The following LTBP1 variants were observed in gnomAD, a reference collection of about 807,000 sequenced individuals.
LTBP1 encodes the protein latent transforming growth factor beta binding protein 1.
Under a neutral mutation model 207.6 loss-of-function variants are expected in LTBP1, and 129 were observed. The ratio of observed to expected loss-of-function variants is 0.62; its 90% CI spans 0.54 to 0.72. The LOEUF (loss-of-function observed/expected upper bound fraction) is 0.72, where lower values mean the gene tolerates loss of function less well. Among genes scored for constraint, LTBP1 ranks in the 30% least tolerant of loss-of-function variants. The pLI, the probability that LTBP1 is intolerant of heterozygous loss-of-function variation, is 0.00. For synonymous variants in LTBP1, 963 were observed against 833.7 expected, an observed-to-expected ratio of 1.16 and a Z score of -2.67; for missense variants, 2,281 against 2,217.2, an observed-to-expected ratio of 1.03 and a Z score of -0.58.
intron 5 of LTBP1, among the ~76,000 whole-genome samples, chr2:33,183,120 T>C (rs976621998): frequency 6.6e-6 from 1 of 152,226 alleles, no homozygotes. Flanking sequence ...GTACAAAACG[T>C]TGGAAGCTGA....
chr2:33,247,457 G>A (rs2092548855), intron 10 of LTBP1, among the ~76,000 whole-genome samples: 1 of 152,130 alleles, frequency 6.6e-6, no homozygotes, highest in Non-Finnish European at 1.5e-5. Context: ...TAGCCCATGG[G>A]AAAAAATCTG....
chr2:33,283,702 C>T (rs2093609978), intron 19 of LTBP1, among the ~76,000 whole-genome samples: 1 of 152,146 alleles, frequency 6.6e-6, no homozygotes, highest in Non-Finnish European at 1.5e-5. Flanking sequence ...TCCCAAAGTG[C>T]TGGGATTACA....
chr2:33,285,972 C>T (rs1460609765), intron 19 of LTBP1: 3 of 152,054 alleles, frequency 2.0e-5, no homozygotes, highest in Admixed American at 6.5e-5. Flanking sequence ...ATTAGTGATT[C>T]CTAACAAATG....
intron 18 of LTBP1, among the ~76,000 whole-genome samples, chr2:33,276,721 C>T (rs1233068828): frequency 2.0e-5 from 3 of 152,160 alleles, no homozygotes; most frequent in Non-Finnish European, 4.4e-5. Flanking sequence ...TGTGGTGGCA[C>T]ACGCCTGTAA....
At position 33,265,282 on chromosome 2, in the gene LTBP1, G is replaced by A. The variant is rs148731157; in HGVS notation, c.2617+1890G>A. ...TTCACAGAGTATAAAGCACAAATTG[G>A]CAATATGTATAAAAAACTTCAGAAC... On this transcript the variant is annotated intron_variant, in intron 15 of 33. Coordinates refer to ENST00000404816, the MANE Select transcript of LTBP1 (RefSeq NM_206943.4). 4.4e-3 allele frequency among the ~76,000 whole-genome samples: 673 copies of A among 152,258 alleles called. 3 individuals carry two copies. Among genetic ancestry groups the A allele is most frequent in the African/African-American group, 0.016 (649 of 41,544 alleles).
chr2:33,181,796 T>G (rs2086666085), intron 5 of LTBP1, among the ~76,000 whole-genome samples: 1 of 152,236 alleles, frequency 6.6e-6, no homozygotes, highest in African/African-American at 2.4e-5. Context: ...CGTACTCTTT[T>G]CCTCTTGATG....
At chr2:33,202,100 G>C (rs534166714) in intron 7 of LTBP1, among the ~76,000 whole-genome samples, 1 of 149,604 alleles carries the variant, frequency 6.7e-6, no homozygotes, top group African/African-American at 2.5e-5. Context: ...CTTAGCTTTT[G>C]TTTAAAAAAA....
At chr2:33,337,928 T>C (rs2094571608) in intron 24 of LTBP1, among the ~76,000 whole-genome samples, 1 of 152,242 alleles carries the variant, frequency 6.6e-6, no homozygotes, top group Non-Finnish European at 1.5e-5. Context: ...TTACTCGTAT[T>C]TGTAGCAGTT....
chr2:33,128,045 G>A (rs1215342804), intron 4 of LTBP1, among the ~76,000 whole-genome samples: 2 of 152,174 alleles, frequency 1.3e-5, no homozygotes, highest in East Asian at 1.9e-4. Context: ...AATTTTCAAA[G>A]TGTGTGGTAG....
chr2:32,991,713 T>A (rs995181187), intron 2 of LTBP1, among the ~76,000 whole-genome samples: 3 of 152,112 alleles, frequency 2.0e-5, no homozygotes, highest in Non-Finnish European at 4.4e-5. Flanking sequence ...AGAATTCTGT[T>A]TGGAAATGAC....
intron 3 of LTBP1, among the ~76,000 whole-genome samples, chr2:33,074,664 A>T (rs1453006294): frequency 6.6e-6 from 1 of 152,072 alleles, no homozygotes; most frequent in Non-Finnish European, 1.5e-5. Flanking sequence ...AGGTCAGGAG[A>T]TCGAGACCAT....
chr2:33,044,971 T>A (rs1340773520), intron 3 of LTBP1, among the ~76,000 whole-genome samples: 1 of 152,208 alleles, frequency 6.6e-6, no homozygotes, highest in South Asian at 2.1e-4. Flanking sequence ...TGGTTTTTTT[T>A]TCATGTAAAT....
chr2:33,379,884 C>G (rs1193058188), intron 31 of LTBP1, among the ~76,000 whole-genome samples: 1 of 152,164 alleles, frequency 6.6e-6, no homozygotes, highest in Non-Finnish European at 1.5e-5. Context: ...GAGATCTGAA[C>G]TTCTGAATAT....
chr2:33,373,467 A>G (rs1171535560), intron 31 of LTBP1, among the ~76,000 whole-genome samples: 2 of 152,234 alleles, frequency 1.3e-5, no homozygotes, highest in Non-Finnish European at 2.9e-5. Flanking sequence ...CATGATGTGA[A>G]TAGGCACTTA....
intron 24 of LTBP1, among the ~76,000 whole-genome samples, chr2:33,325,859 T>G (rs1382602759): frequency 1.3e-5 from 2 of 152,210 alleles, no homozygotes; most frequent in African/African-American, 2.4e-5. Flanking sequence ...AGGTGGATTT[T>G]GGGGGCTTTC....
At chr2:33,013,359 C>T (rs111385212) in intron 2 of LTBP1, among the ~76,000 whole-genome samples, 5,192 of 151,858 alleles carry the variant, frequency 0.034, 300 homozygotes, top group African/African-American at 0.12. Context: ...AATTTCATTT[C>T]CCTCTGTCTA....
chr2:33,012,011 C>A (rs1409076752), intron 2 of LTBP1, among the ~76,000 whole-genome samples: 1 of 152,014 alleles, frequency 6.6e-6, no homozygotes, highest in East Asian at 1.9e-4. Flanking sequence ...ACTGTGATCA[C>A]CCCCCATCAG....
Position 33,150,302 on chromosome 2 carries a change from G to A in LTBP1, c.1201+15342G>A, listed in dbSNP as rs560117441. On this transcript the variant is annotated intron_variant, in intron 5 of 33. Transcript: ENST00000404816. ...TGAAATGCCTGTTCTTAATTCCCTC[G>A]GTGTGTAGGGGGGTTATATTTTATT... 7.2e-5 allele frequency among the ~76,000 whole-genome samples: 11 copies of A among 152,088 alleles called. No homozygotes were observed. The South Asian group carries it at 8.3e-4, about 12-fold the overall frequency.
At chr2:33,270,006 C>T (rs1375876639) in intron 15 of LTBP1, among the ~76,000 whole-genome samples, 1 of 146,988 alleles carries the variant, frequency 6.8e-6, no homozygotes, top group African/African-American at 2.5e-5. Context: ...CGCCCTGTCA[C>T]TCAGGGTTCA....
Sources: allele counts gnomAD v4.1 joint callset (sites outside exome capture counted in the v4.1 genomes callset), GRCh38; gene constraint gnomAD v4.1.1; transcripts MANE v1.5; gene names NCBI Gene and HGNC (gene_info 2026-07-23, HGNC 2026-07-21).